The following MCUB variants were observed in gnomAD, a reference collection of about 807,000 sequenced individuals.
MCUB encodes the protein mitochondrial calcium uniporter dominant negative subunit beta.
Under a neutral mutation model 41.4 loss-of-function variants are expected in MCUB, and 46 were observed. That is an observed-to-expected ratio of 1.11 (90% confidence interval 0.88 to 1.42). MCUB has a LOEUF of 1.42. MCUB is among the 40% of genes most tolerant of loss of function. The pLI is 0.00. For missense variants in MCUB, 403 were observed against 404.9 expected (o/e 1.00, Z 0.04); for synonymous variants, 148 against 148.2 (o/e 1.00, Z 0.01).
At chr4:109,605,251 A>G (rs1238223020) in intron 1 of MCUB, among the ~76,000 whole-genome samples, 1 of 151,998 alleles carries the variant, frequency 6.6e-6, no homozygotes. Flanking sequence ...CAATCTTGGT[A>G]GGTTGTATGT....
chr4:109,635,359 C>A (rs895005377), intron 1 of MCUB, among the ~76,000 whole-genome samples: 3 of 152,138 alleles, frequency 2.0e-5, no homozygotes, highest in Admixed American at 6.5e-5. Context: ...ATGCAAATGC[C>A]AGGCATTAGA....
chr4:109,687,499 CT>C lies in MCUB; in HGVS notation c.934-11del, dbSNP rs1729875359. 6.3e-7 allele frequency: 1 copy of C among 1,591,302 alleles called. No homozygotes were observed. Among genetic ancestry groups the C allele is most frequent in the South Asian group, 1.1e-5 (1 of 89,046 alleles). On this transcript the variant is annotated splice_polypyrimidine_tract_variant and intron_variant, in intron 7 of 7. Coordinates refer to ENST00000394650, the MANE Select transcript of MCUB (RefSeq NM_017918.5). ...TCTTCTTTCTGATCACATGCTTTTT[CT>C]TTTTCCCATGACAGGCTAAAGAATC...
intron 1 of MCUB, among the ~76,000 whole-genome samples, chr4:109,566,363 G>T (rs773322397): frequency 2.6e-4 from 40 of 151,304 alleles, no homozygotes; most frequent in Middle Eastern, 3.4e-3. Flanking sequence ...CCAGCTACTC[G>T]GGAGGCTGAG....
At chr4:109,586,608 T>C (rs1043316102) in intron 1 of MCUB, among the ~76,000 whole-genome samples, 20 of 152,326 alleles carry the variant, frequency 1.3e-4, no homozygotes, top group Non-Finnish European at 2.6e-4. Flanking sequence ...GTTTGGTCTT[T>C]GATGTTGGTG....
At chr4:109,582,594 TG>T (rs1221950279) in intron 1 of MCUB, among the ~76,000 whole-genome samples, 3 of 151,886 alleles carry the variant, frequency 2.0e-5, no homozygotes, top group Non-Finnish European at 2.9e-5. Context: ...TGTCAATTCT[TG>T]GCTTTTGTTG....
intron 4 of MCUB, among the ~76,000 whole-genome samples, chr4:109,673,153 TC>T (rs1729496551): frequency 6.6e-6 from 1 of 152,142 alleles, no homozygotes; most frequent in African/African-American, 2.4e-5. Context: ...GAAGAGGAAA[TC>T]CCTGTTAAGA....
At chr4:109,685,842 C>T (rs747827371) in intron 7 of MCUB, among the ~76,000 whole-genome samples, 2 of 152,148 alleles carry the variant, frequency 1.3e-5, no homozygotes, top group Non-Finnish European at 2.9e-5. Context: ...AGTTTGATTT[C>T]GGAGTCTATA....
chr4:109,618,764 T>C (rs1436759772), intron 1 of MCUB, among the ~76,000 whole-genome samples: 2 of 140,078 alleles, frequency 1.4e-5, no homozygotes, highest in Non-Finnish European at 3.3e-5. Flanking sequence ...AGTCTTTAAA[T>C]AGTTACATAG....
chr4:109,654,089 GTAAAT>G (rs1729022887), intron 1 of MCUB, among the ~76,000 whole-genome samples: 1 of 148,404 alleles, frequency 6.7e-6, no homozygotes, highest in Non-Finnish European at 1.5e-5. Context: ...TTTCTCTAAA[GTAAAT>G]TAATCTTAAA....
rs1409975897 is a variant in MCUB, at chr4:109,687,593, T to C, written c.*1T>C. On this transcript the variant is annotated 3_prime_UTR_variant, in exon 8 of 8. Coordinates refer to ENST00000394650, the MANE Select transcript of MCUB (RefSeq NM_017918.5). ...AGAAGAACTCAATGAAAAGAATTAA[T>C]CTTACAGTTTTAAATGTCGTCAGAT... The C allele has an allele frequency of 6.3e-7, 1 of 1,594,114 alleles. No individual in the cohort carries two copies. The highest frequency in any genetic ancestry group is 8.6e-7 in the Non-Finnish European group (1 of 1,162,954).
chr4:109,645,856 A>G (rs1443996654), intron 1 of MCUB, among the ~76,000 whole-genome samples: 3 of 152,012 alleles, frequency 2.0e-5, no homozygotes, highest in Admixed American at 1.3e-4. Context: ...GATGCTCTCC[A>G]TCTTGTGTCC....
In MCUB at chr4:109,630,093, C is replaced by T. The variant is rs140371247; in HGVS notation, c.100-28918C>T. On this transcript the variant is annotated intron_variant, in intron 1 of 7. Transcript: ENST00000394650. ...GATTTTAAGAGCTTCTGCCAGGAAACGGGGAAGTAGACCAAATATATATTT... is the reference window on the plus strand; with the variant it reads ...GATTTTAAGAGCTTCTGCCAGGAAATGGGGAAGTAGACCAAATATATATTT... Among the ~76,000 whole-genome samples, 194 of 152,282 alleles carry T rather than the reference C, an allele frequency of 1.3e-3. 5 individuals carry two copies. The highest frequency in any genetic ancestry group is 4.4e-3 in the African/African-American group (183 of 41,552).
At chr4:109,569,727 C>T (rs986495734) in intron 1 of MCUB, among the ~76,000 whole-genome samples, 4 of 151,482 alleles carry the variant, frequency 2.6e-5, no homozygotes, top group African/African-American at 9.7e-5. Context: ...GGTCTCGAAC[C>T]CCTGACCTCA....
intron 1 of MCUB, among the ~76,000 whole-genome samples, chr4:109,651,272 T>C (rs1728954630): frequency 6.6e-6 from 1 of 152,252 alleles, no homozygotes; most frequent in Admixed American, 6.5e-5. Flanking sequence ...GGACACCCTT[T>C]GACCTGCCTT....
rs375890500 is a variant in MCUB, at chr4:109,606,220, C to A, written c.99+45784C>A. Among the ~76,000 whole-genome samples, 26 of 152,216 alleles carry A rather than the reference C, an allele frequency of 1.7e-4. No individual in the cohort carries two copies. The East Asian group carries it at 2.5e-3, about 15-fold the overall frequency. ...CGATCTCCTGACCTCGTGATCCACCCGCTTTGGCCTCCCAAAAGTGCTGGG... is the reference window on the plus strand; with the variant it reads ...CGATCTCCTGACCTCGTGATCCACCAGCTTTGGCCTCCCAAAAGTGCTGGG... On this transcript the variant is annotated intron_variant, in intron 1 of 7. Coordinates refer to ENST00000394650, the MANE Select transcript of MCUB (RefSeq NM_017918.5).
At chr4:109,638,825 C>G (rs754833162) in intron 1 of MCUB, among the ~76,000 whole-genome samples, 15 of 152,210 alleles carry the variant, frequency 9.9e-5, no homozygotes, top group Non-Finnish European at 1.8e-4. Flanking sequence ...GATTCCATCT[C>G]AAGAAACCAC....
chr4:109,676,386 A>G (rs7699171), intron 4 of MCUB, among the ~76,000 whole-genome samples: 4 of 152,226 alleles, frequency 2.6e-5, no homozygotes, highest in African/African-American at 7.2e-5. Context: ...TAAAAATCCA[A>G]AAATATGTAT....
chr4:109,671,518 C>T (rs1017836745), intron 4 of MCUB, among the ~76,000 whole-genome samples: 2 of 152,164 alleles, frequency 1.3e-5, no homozygotes, highest in Admixed American at 1.3e-4. Context: ...CTGATGAGCC[C>T]ATCAAAGGCA....
rs372222469 is a variant in MCUB, at chr4:109,563,879, G to T, written c.99+3443G>T. 2.0e-5 allele frequency among the ~76,000 whole-genome samples: 3 copies of T among 152,074 alleles called. No individual in the cohort carries two copies. In the South Asian group the frequency reaches 6.2e-4, roughly 32 times the overall value. ...TGGGATTACAGGCGTGAGCCACCGC[G>T]CCCAGCCCACAGCACTTCTTAAAAA... On this transcript the variant is annotated intron_variant, in intron 1 of 7. Transcript: ENST00000394650.
Sources: allele counts gnomAD v4.1 joint callset (sites outside exome capture counted in the v4.1 genomes callset), GRCh38; gene constraint gnomAD v4.1.1; transcripts MANE v1.5; gene names NCBI Gene and HGNC (gene_info 2026-07-23, HGNC 2026-07-21).